The following SMYD3 variants were observed in gnomAD, a reference collection of about 807,000 sequenced individuals.
SMYD3 encodes the protein histone-lysine N-methyltransferase SMYD3.
In SMYD3, 36 loss-of-function variants were observed where a neutral mutation model predicts 57.7. The ratio of observed to expected loss-of-function variants is 0.62; its 90% CI spans 0.48 to 0.82. The LOEUF (loss-of-function observed/expected upper bound fraction) is 0.82. Ranked by LOEUF, SMYD3 falls within the 40% of genes least tolerant of loss-of-function variation. The probability of loss-of-function intolerance (pLI) is 0.00; values close to 1 mark genes in which losing one functional copy is unlikely to be tolerated. For missense variants in SMYD3, 515 were observed against 538.8 expected (o/e 0.96, Z 0.44); for synonymous variants, 211 against 195.0 (o/e 1.08, Z -0.68).
At chr1:246,472,587 A>C (rs931484540) in intron 1 of SMYD3, among the ~76,000 whole-genome samples, 2 of 152,070 alleles carry the variant, frequency 1.3e-5, no homozygotes, top group Non-Finnish European at 2.9e-5. Context: ...TACAAAAAAC[A>C]GAAAAACTTA....
intron 5 of SMYD3, among the ~76,000 whole-genome samples, chr1:246,001,721 G>GT (rs1179292424): frequency 6.6e-6 from 1 of 152,140 alleles, no homozygotes; most frequent in Admixed American, 6.5e-5. Context: ...TCAAACAGGG[G>GT]TCATTGCCCT....
At chr1:246,077,394 A>C (rs2060566134) in intron 5 of SMYD3, among the ~76,000 whole-genome samples, 1 of 152,226 alleles carries the variant, frequency 6.6e-6, no homozygotes, top group Admixed American at 6.5e-5. Flanking sequence ...CTAACTATGT[A>C]AAGAGAACAA....
At chr1:245,960,104 T>G (rs1364227914) in intron 5 of SMYD3, among the ~76,000 whole-genome samples, 1 of 152,186 alleles carries the variant, frequency 6.6e-6, no homozygotes, top group African/African-American at 2.4e-5. Flanking sequence ...TTTAAAATAT[T>G]AATAAAACAA....
At chr1:246,437,152 GC>G (rs1269039258) in intron 1 of SMYD3, among the ~76,000 whole-genome samples, 1 of 152,140 alleles carries the variant, frequency 6.6e-6, no homozygotes. Flanking sequence ...ACTCACCTCA[GC>G]CTCCCACAGT....
intron 5 of SMYD3, among the ~76,000 whole-genome samples, chr1:246,123,201 A>G (rs79613257): frequency 3.0e-3 from 450 of 152,312 alleles, no homozygotes; most frequent in African/African-American, 0.01. Flanking sequence ...AAGCAATCCA[A>G]AATTAAAGAG....
At chr1:245,846,180 A>G (rs1000251992) in intron 10 of SMYD3, among the ~76,000 whole-genome samples, 1 of 152,226 alleles carries the variant, frequency 6.6e-6, no homozygotes, top group African/African-American at 2.4e-5. Context: ...GCATCCAGGA[A>G]GGGAAGGAAG....
intron 1 of SMYD3, among the ~76,000 whole-genome samples, chr1:246,442,094 A>C (rs1558466865): frequency 6.6e-6 from 1 of 152,236 alleles, no homozygotes; most frequent in Admixed American, 6.5e-5. Flanking sequence ...GAACTATATC[A>C]TATAATAAGT....
chr1:246,040,809 A>G (rs2059856960), intron 5 of SMYD3, among the ~76,000 whole-genome samples: 1 of 152,202 alleles, frequency 6.6e-6, no homozygotes, highest in African/African-American at 2.4e-5. Context: ...ACACATCTTA[A>G]TATTTGCTGC....
chr1:246,088,495 A>G (rs2060763521), intron 5 of SMYD3, among the ~76,000 whole-genome samples: 1 of 130,610 alleles, frequency 7.7e-6, no homozygotes, highest in Non-Finnish European at 1.5e-5. Context: ...CTGTAGTCCC[A>G]GCTACTCGGG....
intron 1 of SMYD3, among the ~76,000 whole-genome samples, chr1:246,363,932 A>C (rs1572423485): frequency 6.6e-6 from 1 of 152,298 alleles, no homozygotes; most frequent in Non-Finnish European, 1.5e-5. Context: ...AAAATAAATA[A>C]ATAAAAAGGA....
chr1:245,911,010 A>G (rs549388972), intron 8 of SMYD3, among the ~76,000 whole-genome samples: 2 of 152,256 alleles, frequency 1.3e-5, no homozygotes, highest in East Asian at 3.9e-4. Context: ...CAAGAGATTA[A>G]TAATCACAAT....
chr1:245,887,714 TG>T (rs1213631782), intron 8 of SMYD3, among the ~76,000 whole-genome samples: 4 of 152,180 alleles, frequency 2.6e-5, no homozygotes, highest in Admixed American at 6.5e-5. Flanking sequence ...GTAAAATCAC[TG>T]CCACACCAAA....
chr1:245,887,589 T>G (rs566936025), intron 8 of SMYD3, among the ~76,000 whole-genome samples: 2 of 152,306 alleles, frequency 1.3e-5, no homozygotes, highest in African/African-American at 4.8e-5. Context: ...ACCATCTCAA[T>G]GAAAATTCCT....
intron 5 of SMYD3, among the ~76,000 whole-genome samples, chr1:246,317,267 C>G (rs993796544): frequency 9.8e-5 from 15 of 152,320 alleles, no homozygotes; most frequent in Admixed American, 3.9e-4. Context: ...GCAATGTAAA[C>G]CGACAGAACC....
chr1:246,276,085 A>C (rs1478814094), intron 5 of SMYD3, among the ~76,000 whole-genome samples: 2 of 91,570 alleles, frequency 2.2e-5, no homozygotes, highest in African/African-American at 7.8e-5. Flanking sequence ...CTGATGCCCA[A>C]GTTTGAATAC....
chr1:245,910,534 A>G (rs1004494399), intron 8 of SMYD3, among the ~76,000 whole-genome samples: 3 of 152,122 alleles, frequency 2.0e-5, no homozygotes, highest in African/African-American at 7.2e-5. Context: ...ATGCTCTATA[A>G]AATTACAAAA....
chr1:245,812,267 G>A (rs2048515990), intron 10 of SMYD3, among the ~76,000 whole-genome samples: 1 of 152,158 alleles, frequency 6.6e-6, no homozygotes, highest in Non-Finnish European at 1.5e-5. Flanking sequence ...CTGAGTGTAT[G>A]AACTGCTTCA....
intron 4 of SMYD3, among the ~76,000 whole-genome samples, chr1:246,328,847 C>A (rs887831958): frequency 2.6e-5 from 4 of 152,050 alleles, no homozygotes; most frequent in South Asian, 2.1e-4. Flanking sequence ...CCACTCCCCC[C>A]ACCCCACAAC....
intron 10 of SMYD3, among the ~76,000 whole-genome samples, chr1:245,797,514 T>A (rs571507319): frequency 1.3e-5 from 1 of 76,888 alleles, no homozygotes; most frequent in Non-Finnish European, 2.4e-5. Flanking sequence ...CATCACACAC[T>A]GGGGCCTGTG....
Sources: gnomAD v4.1 joint callset for allele counts (sites outside exome capture counted in the v4.1 genomes callset) on GRCh38, gnomAD v4.1.1 for gene constraint, MANE v1.5 for transcripts, NCBI Gene and HGNC (gene_info 2026-07-23, HGNC 2026-07-21) for gene names.